TMEM178B: variants seen among roughly 807,000 people sequenced by gnomAD.
The protein encoded by TMEM178B is transmembrane protein 178B.
Under a neutral mutation model 31.0 loss-of-function variants are expected in TMEM178B, and 5 were observed. That is an observed-to-expected ratio of 0.16 (90% CI 0.08 to 0.34). The LOEUF (loss-of-function observed/expected upper bound fraction) is 0.34, where lower values mean the gene tolerates loss of function less well. Ranked by LOEUF, TMEM178B falls within the 10% of genes least tolerant of loss-of-function variation. The pLI is 1.00. For synonymous variants in TMEM178B, 164 were observed against 164.0 expected, an observed-to-expected ratio of 1.00 and a Z score of 0.00; for missense variants, 275 against 400.3, an observed-to-expected ratio of 0.69 and a Z score of 2.67.
chr7:141,142,696 C>T (rs1057222700), intron 1 of TMEM178B, among the ~76,000 whole-genome samples: 1 of 152,340 alleles, frequency 6.6e-6, no homozygotes, highest in Non-Finnish European at 1.5e-5. Context: ...CGTGAGCCAC[C>T]ACCCCCGGCC....
At chr7:141,213,690 G>A (rs1391873647) in intron 2 of TMEM178B, among the ~76,000 whole-genome samples, 3 of 152,104 alleles carry the variant, frequency 2.0e-5, no homozygotes, top group South Asian at 2.1e-4. Context: ...CTTTTTCGTC[G>A]ATTAGGCCCA....
At chr7:141,460,341 T>C (rs1802039651) in intron 3 of TMEM178B, among the ~76,000 whole-genome samples, 1 of 152,232 alleles carries the variant, frequency 6.6e-6, no homozygotes, top group African/African-American at 2.4e-5. Flanking sequence ...TGTCTCTTTG[T>C]ATGTCCCAAG....
intron 2 of TMEM178B, among the ~76,000 whole-genome samples, chr7:141,370,016 A>G (rs1800085608): frequency 6.6e-6 from 1 of 151,980 alleles, no homozygotes; most frequent in Non-Finnish European, 1.5e-5. Flanking sequence ...CCAAATAACA[A>G]TGGGTTCCAT....
At chr7:141,179,768 C>T (rs1796489591) in intron 1 of TMEM178B, among the ~76,000 whole-genome samples, 1 of 152,164 alleles carries the variant, frequency 6.6e-6, no homozygotes, top group South Asian at 2.1e-4. Context: ...TCCCGAGGGC[C>T]ATGGGAGAGC....
At position 141,170,492 on chromosome 7, in the gene TMEM178B, G is replaced by C. The variant is rs184064293; in HGVS notation, c.383-42099G>C. Reference sequence around the variant, plus strand: ...TGAGTATGCCTCATAGTGTTCACCTGTAGATGGGAACCATCAGTTGTTTCT... The same window carrying C: ...TGAGTATGCCTCATAGTGTTCACCTCTAGATGGGAACCATCAGTTGTTTCT... On this transcript the variant is annotated intron_variant, in intron 1 of 3. Transcript: ENST00000565468. Among the ~76,000 whole-genome samples the C allele has an allele frequency of 1.5e-3, 226 of 152,294 alleles. 3 individuals are homozygous for C. The highest frequency in any genetic ancestry group is 0.014 in the Admixed American group (220 of 15,308).
intron 1 of TMEM178B, among the ~76,000 whole-genome samples, chr7:141,129,519 T>C (rs1795560278): frequency 6.6e-6 from 1 of 152,194 alleles, no homozygotes; most frequent in Admixed American, 6.5e-5. Context: ...GAGCATTCCC[T>C]TGTGGATCCT....
At chr7:141,295,116 G>A (rs1798609353) in intron 2 of TMEM178B, among the ~76,000 whole-genome samples, 1 of 152,122 alleles carries the variant, frequency 6.6e-6, no homozygotes, top group Non-Finnish European at 1.5e-5. Context: ...TGCCCACCTG[G>A]GAGCCTACTT....
chr7:141,144,805 G>T (rs544501293), intron 1 of TMEM178B, among the ~76,000 whole-genome samples: 8 of 152,258 alleles, frequency 5.3e-5, no homozygotes, highest in Non-Finnish European at 1.0e-4. Context: ...AGGGCACAAT[G>T]CCAGGACTGG....
downstream of TMEM178B, among the ~76,000 whole-genome samples, chr7:141,482,772 G>A (rs1173351457): frequency 2.6e-5 from 4 of 152,186 alleles, no homozygotes; most frequent in Non-Finnish European, 4.4e-5. Flanking sequence ...CCAGAAGCAA[G>A]TGTCCAGTTG....
intron 1 of TMEM178B, among the ~76,000 whole-genome samples, chr7:141,139,140 A>G (rs1408891602): frequency 1.3e-5 from 2 of 152,228 alleles, no homozygotes; most frequent in East Asian, 1.9e-4. Flanking sequence ...ATAATCTTCA[A>G]TGAAATCACC....
At chr7:141,181,851 T>A (rs940303120) in intron 1 of TMEM178B, among the ~76,000 whole-genome samples, 4 of 152,198 alleles carry the variant, frequency 2.6e-5, no homozygotes, top group Non-Finnish European at 5.9e-5. Flanking sequence ...TTCTTTAGAA[T>A]TATGGTGCTA....
At chr7:141,239,493 G>A (rs912449908) in intron 2 of TMEM178B, among the ~76,000 whole-genome samples, 5 of 152,144 alleles carry the variant, frequency 3.3e-5, no homozygotes, top group African/African-American at 1.2e-4. Flanking sequence ...GCCAGCCATC[G>A]CTTGGAAAGG....
chr7:141,432,779 C>A (rs1295574143), intron 2 of TMEM178B, among the ~76,000 whole-genome samples: 1 of 152,168 alleles, frequency 6.6e-6, no homozygotes, highest in Non-Finnish European at 1.5e-5. Flanking sequence ...GGGCTTTTCT[C>A]AGATATATGA....
intron 2 of TMEM178B, among the ~76,000 whole-genome samples, chr7:141,419,155 C>A (rs1389961406): frequency 6.6e-6 from 1 of 152,140 alleles, no homozygotes; most frequent in Non-Finnish European, 1.5e-5. Context: ...AGTGATCCAC[C>A]CACCTTGGCC....
At position 141,452,226 on chromosome 7, in the gene TMEM178B, AT is replaced by A. The variant is rs569301930; in HGVS notation, c.634+14482del. ...TGAGCTCTGGCCTCATGTTTTAAAA[AT>A]GCTTTCTAGACATCTCCACCTTTCT... On this transcript the variant is annotated intron_variant, in intron 3 of 3. Coordinates refer to ENST00000565468, the MANE Select transcript of TMEM178B (RefSeq NM_001195278.2). Among the ~76,000 whole-genome samples the A allele has an allele frequency of 4.4e-3, 671 of 152,312 alleles. 3 individuals are homozygous for A. Among genetic ancestry groups the A allele is most frequent in the Non-Finnish European group, 7.2e-3 (490 of 68,020 alleles).
intron 2 of TMEM178B, among the ~76,000 whole-genome samples, chr7:141,226,959 T>C (rs1374541695): frequency 6.6e-6 from 1 of 152,162 alleles, no homozygotes; most frequent in African/African-American, 2.4e-5. Context: ...TGTTTACCAT[T>C]CCTGGATGGA....
chr7:141,429,398 A>C (rs1443108459), intron 2 of TMEM178B, among the ~76,000 whole-genome samples: 6 of 152,176 alleles, frequency 3.9e-5, no homozygotes, highest in Non-Finnish European at 7.3e-5. Context: ...CATTTGCAAC[A>C]ACATAGATGA....
intron 3 of TMEM178B, among the ~76,000 whole-genome samples, chr7:141,452,367 A>G (rs1393625880): frequency 6.6e-6 from 1 of 152,156 alleles, no homozygotes; most frequent in East Asian, 1.9e-4. Context: ...CACCCAACAC[A>G]TGTCTGCTCT....
At chr7:141,150,412 A>G (rs1228226549) in intron 1 of TMEM178B, among the ~76,000 whole-genome samples, 1 of 152,232 alleles carries the variant, frequency 6.6e-6, no homozygotes, top group Non-Finnish European at 1.5e-5. Context: ...AAACTGGACC[A>G]AAATATTTTG....
Sources: allele counts gnomAD v4.1 joint callset (sites outside exome capture counted in the v4.1 genomes callset), GRCh38; gene constraint gnomAD v4.1.1; transcripts MANE v1.5; gene names NCBI Gene and HGNC (gene_info 2026-07-23, HGNC 2026-07-21).